Variants in CNOT6L observed in about 807,000 individuals in gnomAD.
CNOT6L encodes the protein CCR4-NOT transcription complex subunit 6-like.
In CNOT6L, 7 loss-of-function variants were observed where a neutral mutation model predicts 64.0. The ratio of observed to expected loss-of-function variants is 0.11; its 90% confidence interval spans 0.06 to 0.21. The LOEUF (loss-of-function observed/expected upper bound fraction) is 0.21, where lower values mean the gene tolerates loss of function less well. Ranked by LOEUF, CNOT6L falls within the 10% of genes least tolerant of loss-of-function variation. The pLI, the probability that CNOT6L is intolerant of heterozygous loss-of-function variation, is 1.00. For synonymous variants in CNOT6L, 193 were observed against 243.4 expected (o/e 0.79, Z 1.93); for missense variants, 245 against 669.0 (o/e 0.37, Z 6.99).
chr4:77,796,564 TTG>T (rs1730875521), intron 1 of CNOT6L, among the ~76,000 whole-genome samples: 1 of 152,152 alleles, frequency 6.6e-6, no homozygotes, highest in African/African-American at 2.4e-5. Context: ...GTCATGCTTC[TTG>T]CCTGCGAACC....
intron 6 of CNOT6L, among the ~76,000 whole-genome samples, chr4:77,745,687 T>G (rs780499711): frequency 6.6e-6 from 1 of 152,182 alleles, no homozygotes; most frequent in Non-Finnish European, 1.5e-5. Flanking sequence ...TTTGTAGACC[T>G]TATAAAGAAA....
intron 1 of CNOT6L, among the ~76,000 whole-genome samples, chr4:77,807,296 C>A (rs1732353519): frequency 1.8e-5 from 2 of 113,236 alleles, no homozygotes; most frequent in Admixed American, 8.4e-5. Flanking sequence ...AAAAAAAATC[C>A]TACAATCTAA....
intron 4 of CNOT6L, among the ~76,000 whole-genome samples, chr4:77,758,675 G>A (rs1010265475): frequency 1.3e-5 from 2 of 152,154 alleles, no homozygotes; most frequent in African/African-American, 4.8e-5. Flanking sequence ...CAAATTACTG[G>A]AGGCTCCATG....
At chr4:77,766,375 A>G (rs1037416578) in intron 4 of CNOT6L, among the ~76,000 whole-genome samples, 2 of 152,204 alleles carry the variant, frequency 1.3e-5, no homozygotes, top group African/African-American at 4.8e-5. Context: ...CTTTTTTAAC[A>G]AAAACATACA....
intron 5 of CNOT6L, among the ~76,000 whole-genome samples, chr4:77,751,104 G>A (rs2109976948): frequency 6.6e-6 from 1 of 152,230 alleles, no homozygotes; most frequent in Non-Finnish European, 1.5e-5. Flanking sequence ...ATATCTGACA[G>A]ATTTTAGAAC....
chr4:77,765,138 G>A (rs891697042), intron 4 of CNOT6L, among the ~76,000 whole-genome samples: 4 of 152,074 alleles, frequency 2.6e-5, no homozygotes, highest in Middle Eastern at 3.2e-3. Flanking sequence ...ACCTCCAATC[G>A]TCCTCACTGC....
At chr4:77,795,187 T>C (rs1227229333) in intron 1 of CNOT6L, among the ~76,000 whole-genome samples, 1 of 151,870 alleles carries the variant, frequency 6.6e-6, no homozygotes, top group Non-Finnish European at 1.5e-5. Context: ...GGCTGGCTAA[T>C]TTTGTATTTT....
At chr4:77,763,887 C>T (rs1165123107) in intron 4 of CNOT6L, among the ~76,000 whole-genome samples, 5 of 152,054 alleles carry the variant, frequency 3.3e-5, no homozygotes, top group African/African-American at 7.2e-5. Flanking sequence ...ACCGACAAGT[C>T]AAGGAAGATA....
At chr4:77,799,406 C>T (rs1731241515) in intron 1 of CNOT6L, among the ~76,000 whole-genome samples, 1 of 152,072 alleles carries the variant, frequency 6.6e-6, no homozygotes, top group African/African-American at 2.4e-5. Context: ...TAAACAAGGT[C>T]AAAAGTAATA....
chr4:77,800,708 T>C (rs1296304444), intron 1 of CNOT6L, among the ~76,000 whole-genome samples: 1 of 152,156 alleles, frequency 6.6e-6, no homozygotes, highest in African/African-American at 2.4e-5. Context: ...GTTTAGAATG[T>C]GTATAAGCCA....
chr4:77,744,707 T>C lies in CNOT6L; in HGVS notation c.717+11A>G, dbSNP rs779992491. 1 of 1,599,864 alleles carries C rather than the reference T, an allele frequency of 6.3e-7. No homozygotes were observed. The highest frequency in any genetic ancestry group is 2.2e-5 in the East Asian group (1 of 44,628). The stretch of plus-strand genomic sequence containing the variant: ...TTTAAGTTAAAGACAGTTTAATTTC[T>C]ATGGTGTTACCTGAAGACTAATGAT... On this transcript the variant is annotated intron_variant, in intron 7 of 11. Transcript: ENST00000504123.
chr4:77,775,542 T>G (rs1371453198), intron 2 of CNOT6L, among the ~76,000 whole-genome samples: 1 of 152,160 alleles, frequency 6.6e-6, no homozygotes. Flanking sequence ...CATGGTACAT[T>G]TGTCAAAACT....
chr4:77,787,989 C>T (rs1577985702), intron 1 of CNOT6L, among the ~76,000 whole-genome samples: 1 of 152,152 alleles, frequency 6.6e-6, no homozygotes, highest in East Asian at 1.9e-4. Context: ...TTTGAAAACC[C>T]TCAAAATGAT....
At chr4:77,734,574 T>C (rs1374549206) in intron 8 of CNOT6L, among the ~76,000 whole-genome samples, 1 of 152,184 alleles carries the variant, frequency 6.6e-6, no homozygotes, top group East Asian at 1.9e-4. Context: ...TGGTCTCAGC[T>C]GATTCTTGTC....
rs1461461881 is a variant in CNOT6L at position 77,716,054 on chromosome 4, C to G, written c.*4377G>C. 6.6e-6 allele frequency: 1 copy of G among 152,168 alleles called. No homozygotes were observed. The highest frequency in any genetic ancestry group is 1.5e-5 in the Non-Finnish European group (1 of 67,980). The allele number at this position is 152,168 out of a possible 1,614,324, so 9.4% of individuals were successfully genotyped here. On this transcript the variant is annotated 3_prime_UTR_variant, in exon 12 of 12. Coordinates refer to ENST00000504123, the MANE Select transcript of CNOT6L (RefSeq NM_144571.3). ...CTCTACCTACAATTCACACAGTTCT[C>G]CAAACATGGTATGACTCAAAGGGAA...
chr4:77,766,719 T>C lies in CNOT6L; in HGVS notation c.400+6362A>G, dbSNP rs184086813. On this transcript the variant is annotated intron_variant, in intron 4 of 11. Transcript: ENST00000504123. The stretch of plus-strand genomic sequence containing the variant: ...TTGTATTTCTATATCCAATAGCAAA[T>C]AGGAAATAACCAAGAAAAGAGAAAA... Among the ~76,000 whole-genome samples the C allele has an allele frequency of 3.3e-3, 474 of 142,474 alleles. 10 individuals carry two copies. Among genetic ancestry groups the C allele is most frequent in the Admixed American group, 0.03 (427 of 14,366 alleles). 93.5% of individuals were successfully genotyped at this position (142,474 alleles called of 152,430 possible). A position where few individuals can be genotyped will look rare whatever the true frequency, so the allele number is the denominator to read the frequency against.
intron 4 of CNOT6L, among the ~76,000 whole-genome samples, chr4:77,769,483 T>G (rs950952594): frequency 6.6e-6 from 1 of 152,164 alleles, no homozygotes; most frequent in East Asian, 1.9e-4. Context: ...TCAGGTCCAA[T>G]TTTAGACCTC....
rs1465228439 is a variant in CNOT6L at position 77,742,986 on chromosome 4, G to A, written c.718-691C>T. Among the ~76,000 whole-genome samples the A allele has an allele frequency of 2.0e-5, 3 of 152,094 alleles. No individual in the cohort carries two copies. In the East Asian group the frequency reaches 5.8e-4, roughly 29 times the overall value. ...CAACTAAATGTGTCCAATGGTATGG[G>A]AAAAGCTACATCAATATACGTTCAT... is the stretch of plus-strand genomic sequence containing the variant. On this transcript the variant is annotated intron_variant, in intron 7 of 11. Transcript: ENST00000504123.
Position 77,773,166 on chromosome 4 carries a change from C to A in CNOT6L, c.315G>T (p.Arg105Ser). The A allele has an allele frequency of 6.5e-7, 1 of 1,550,258 alleles. No homozygotes were observed. The highest frequency in any genetic ancestry group is 8.7e-7 in the Non-Finnish European group (1 of 1,154,416). ...PAELGNMVSL[R>S]ELLLNNNLLR... ...ACAGATTGTTATTTAAAAGCAATTC[C>A]CTGTTTTAAAAAAAAAAAAAAAATT... Residue 105 changes from arginine (R) to serine (S), a missense_variant and splice_region_variant, in exon 4 of 12, where the codon AGG becomes AGT. Physicochemically the swap from Arg to Ser is moderately radical, Grantham distance 110. Around this residue, in one of 10 missense-constraint regions of CNOT6L, gnomAD observed 78 missense variants for 137.6 expected, o/e 0.57. Transcript: ENST00000504123.
Sources: allele counts gnomAD v4.1 joint callset (sites outside exome capture counted in the v4.1 genomes callset), GRCh38; gene constraint gnomAD v4.1.1; regional missense constraint gnomAD v4.1.1; transcripts MANE v1.5; gene names NCBI Gene and HGNC (gene_info 2026-07-23, HGNC 2026-07-21).